The following MAP7D2 variants were observed in gnomAD, a reference collection of about 807,000 sequenced individuals.
The protein encoded by MAP7D2 is MAP7 domain containing 2.
A neutral mutation model predicts 63.5 loss-of-function variants in MAP7D2; 33 were observed. That is an observed-to-expected ratio of 0.52 (90% CI 0.39 to 0.70). The LOEUF (loss-of-function observed/expected upper bound fraction) is 0.70, where lower values mean the gene tolerates loss of function less well. Among genes scored for constraint, MAP7D2 ranks in the 30% least tolerant of loss-of-function variants. The pLI is 0.00. For missense variants in MAP7D2, 626 were observed against 604.0 expected (o/e 1.04, Z -0.38); for synonymous variants, 224 against 223.7 (o/e 1.00, Z -0.01).
At chrX:20,080,948 C>T (rs996212445) in intron 1 of MAP7D2, among the ~76,000 whole-genome samples, 11 of 111,751 alleles carry the variant, frequency 9.8e-5, no homozygotes, top group African/African-American at 2.6e-4. Context: ...TCAGGAGAAG[C>T]GGTTGCTCAA....
At chrX:20,059,587 G>GAA in intron 3 of MAP7D2, among the ~76,000 whole-genome samples, 3 of 100,875 alleles carry the variant, frequency 3.0e-5, no homozygotes, top group Non-Finnish European at 5.9e-5. Flanking sequence ...TTAGTGGAAG[G>GAA]GTGGAAGGAA....
intron 10 of MAP7D2, among the ~76,000 whole-genome samples, chrX:20,024,003 C>T (rs573040999): frequency 1.2e-4 from 13 of 112,124 alleles, no homozygotes; most frequent in Middle Eastern, 9.2e-3. Context: ...ACCACAAAGA[C>T]TTACCAAGGT....
chrX:20,060,764 C>A (rs1276337079), intron 3 of MAP7D2, among the ~76,000 whole-genome samples: 1 of 110,880 alleles, frequency 9.0e-6, no homozygotes, highest in Non-Finnish European at 1.9e-5. Context: ...GACAGTAGAA[C>A]CACCCCACCC....
intron 3 of MAP7D2, 151 bp downstream of exon 3, chrX:20,063,263 T>G (rs1326732877): frequency 1.9e-6 from 1 of 518,139 alleles, no homozygotes; most frequent in South Asian, 3.6e-5. Context: ...TCGAGTTTCA[T>G]GTCATGTTGC....
At chrX:20,090,499 C>G (rs1485931582) in intron 1 of MAP7D2, among the ~76,000 whole-genome samples, 1 of 111,228 alleles carries the variant, frequency 9.0e-6, no homozygotes, top group Non-Finnish European at 1.9e-5. Context: ...TATACACATA[C>G]TGGAATGGCA....
At chrX:20,023,570 A>G in intron 10 of MAP7D2, among the ~76,000 whole-genome samples, 1 of 112,588 alleles carries the variant, frequency 8.9e-6, no homozygotes, top group East Asian at 2.8e-4. Context: ...GAGAAAATAA[A>G]GACAGAATGT....
intron 12 of MAP7D2, 141 bp downstream of exon 12, chrX:20,015,082 G>T: frequency 2.3e-6 from 1 of 439,266 alleles, no homozygotes; most frequent in South Asian, 4.3e-5. Flanking sequence ...AACTAATAAA[G>T]ACATAAAAGA....
intron 1 of MAP7D2, among the ~76,000 whole-genome samples, chrX:20,066,863 G>A (rs907989317): frequency 1.8e-5 from 2 of 111,868 alleles, no homozygotes; most frequent in Non-Finnish European, 3.8e-5. Flanking sequence ...AGCCATGTGT[G>A]GCTGATGCAA....
Position 20,103,409 on chromosome X carries a change from G to A in MAP7D2, c.130+13341C>T, listed in dbSNP as rs768798861. Reference sequence around the variant, plus strand: ...AGGAACAAGTCTTGTCTACCAGTTCGATCACTGTCCTACAGACCTGATACA... The same window carrying A: ...AGGAACAAGTCTTGTCTACCAGTTCAATCACTGTCCTACAGACCTGATACA... On this transcript the variant is annotated intron_variant, in intron 1 of 16. Transcript: ENST00000379643. Among the ~76,000 whole-genome samples, 11 of 111,308 alleles carry A rather than the reference G, an allele frequency of 9.9e-5. No homozygotes were observed. The East Asian group carries it at 2.0e-3, about 20-fold the overall frequency.
At chrX:20,090,780 C>T (rs1412731435) in intron 1 of MAP7D2, among the ~76,000 whole-genome samples, 1 of 111,833 alleles carries the variant, frequency 8.9e-6, no homozygotes, top group Admixed American at 9.5e-5. Flanking sequence ...TGCTCAAAGC[C>T]GGAAATAGTC....
chrX:20,050,865 C>T lies in MAP7D2; in HGVS notation c.677G>A (p.Ser226Asn), dbSNP rs1292909954. ...CCCAGAGAGCATGACTGAAGCTCTG[C>T]TTCTGGCTAAAGAAGACTGTGTGGG... ...LTPTQSSLAR[S>N]RASVMLSGQA... Residue 226 changes from serine (S) to asparagine (N), a missense_variant, in exon 6 of 17, where the codon AGC (serine) becomes AAC (asparagine). By Grantham distance (46) the Ser-to-Asn change is conservative. Transcript: ENST00000379643. 4.2e-6 allele frequency: 5 copies of T among 1,189,329 alleles called. No individual in the cohort carries two copies. In the African/African-American group the frequency reaches 7.0e-5, roughly 17 times the overall value.
Position 20,076,997 on chromosome X carries a change from T to G in MAP7D2, c.131-12192A>C, listed in dbSNP as rs149692872. 2.7e-4 allele frequency among the ~76,000 whole-genome samples: 30 copies of G among 112,981 alleles called. No individual in the cohort carries two copies. In the East Asian group the frequency reaches 8.3e-3, roughly 31 times the overall value. ...CCATTTTCCCCACCAAATGTAGAAT[T>G]GGGCGAAGCCCAAACAATACAAAGT... On this transcript the variant is annotated intron_variant, in intron 1 of 16. Coordinates refer to ENST00000379643, the MANE Select transcript of MAP7D2 (RefSeq NM_001168465.2).
At chrX:20,018,351 T>C (rs1001391347) in intron 10 of MAP7D2, among the ~76,000 whole-genome samples, 12 of 109,134 alleles carry the variant, frequency 1.1e-4, no homozygotes, top group South Asian at 4.0e-4. Context: ...TGAACCTCCA[T>C]AATCCTCATT....
rs2073233629 is a variant in MAP7D2, at chrX:20,012,415, T to C, written c.2006A>G (p.Asp669Gly). ...GCTATTTGATTTCCCATCAAGGGCA[T>C]CCAGATGAATGAGTCCCCCAGCTGG... The part of the protein sequence containing the change: ...LKPAGGLIHL[D>G]ALDGKSNSLD... Residue 669 changes from aspartate (D) to glycine (G), a missense_variant, in exon 15 of 17, where the codon GAT becomes GGT. Transcript: ENST00000379643. 4 of 1,209,448 alleles carry C rather than the reference T, an allele frequency of 3.3e-6. No homozygotes were observed. The highest frequency in any genetic ancestry group is 3.4e-6 in the Non-Finnish European group (3 of 893,902).
intron 1 of MAP7D2, among the ~76,000 whole-genome samples, chrX:20,065,448 G>C: frequency 9.1e-6 from 1 of 109,354 alleles, no homozygotes; most frequent in Non-Finnish European, 1.9e-5. Context: ...TGTATTTTTA[G>C]TAGAGATGGG....
intron 12 of MAP7D2, among the ~76,000 whole-genome samples, 200 bp from the exon 13 acceptor site, chrX:20,013,825 C>T (rs5955875): frequency 0.062 from 6,961 of 112,386 alleles, 509 homozygotes; most frequent in African/African-American, 0.2. Context: ...AGGTCAAATG[C>T]TTGAGAAGTT....
At chrX:20,033,436 C>A (rs1445900700) in intron 8 of MAP7D2, among the ~76,000 whole-genome samples, 1 of 112,222 alleles carries the variant, frequency 8.9e-6, no homozygotes, top group East Asian at 2.8e-4. Flanking sequence ...GATTTCTTTT[C>A]TCTAGGTTAT....
At chrX:20,084,694 G>A (rs891766514) in intron 1 of MAP7D2, among the ~76,000 whole-genome samples, 2 of 109,564 alleles carry the variant, frequency 1.8e-5, no homozygotes, top group African/African-American at 6.6e-5. Flanking sequence ...TCAGCCTATC[G>A]AGTAGCTGGG....
In MAP7D2 at chrX:20,116,839, G is replaced by A. The variant is rs186679387; in HGVS notation, c.41C>T (p.Pro14Leu). ...AGAGGTTCCCCGCGCAGTCCCCTCAGGCCGGGATCCCGTCCCGGAGCCGCC... is the reference window on the plus strand; with the variant it reads ...AGAGGTTCCCCGCGCAGTCCCCTCAAGCCGGGATCCCGTCCCGGAGCCGCC... ...GGGGSGTGSR[P>L]EGTARGTSLP... The change falls in exon 1 of 17, where the codon CCT becomes CTT. Residue 14 changes from proline (P) to leucine (L), a missense_variant. By Grantham distance (98) the Pro-to-Leu change is moderately conservative. Coordinates refer to ENST00000379643, the MANE Select transcript of MAP7D2 (RefSeq NM_001168465.2). 3,734 of 1,165,893 alleles carry A rather than the reference G, an allele frequency of 3.2e-3. 86 individuals are homozygous for A. The African/African-American group carries it at 0.06, about 19-fold the overall frequency.
Sources: gnomAD v4.1 joint callset for allele counts (sites outside exome capture counted in the v4.1 genomes callset) on GRCh38, gnomAD v4.1.1 for gene constraint, MANE v1.5 for transcripts, NCBI Gene and HGNC (gene_info 2026-07-23, HGNC 2026-07-21) for gene names.